Variants in IMMP2L observed in about 807,000 individuals in gnomAD.
IMMP2L encodes mitochondrial inner membrane protease subunit 2.
A neutral mutation model predicts 19.3 loss-of-function variants in IMMP2L; 18 were observed. The observed-to-expected ratio is 0.93, with a 90% CI of 0.64 to 1.38. The LOEUF (loss-of-function observed/expected upper bound fraction) is 1.38. IMMP2L is among the 40% of genes most tolerant of loss of function. The pLI is 0.00. For missense variants in IMMP2L, 233 were observed against 218.2 expected, an observed-to-expected ratio of 1.07 and a Z score of -0.43; for synonymous variants, 76 against 73.0, an observed-to-expected ratio of 1.04 and a Z score of -0.21.
At chr7:111,262,390 G>C (rs1220282627) in intron 3 of IMMP2L, among the ~76,000 whole-genome samples, 2 of 152,012 alleles carry the variant, frequency 1.3e-5, no homozygotes, top group Admixed American at 1.3e-4. Context: ...GCTATGAGAA[G>C]ATCTAAGTCC....
intron 3 of IMMP2L, among the ~76,000 whole-genome samples, chr7:111,300,606 C>G (rs1469137838): frequency 6.6e-6 from 1 of 152,056 alleles, no homozygotes; most frequent in East Asian, 1.9e-4. Flanking sequence ...TAGACACAAC[C>G]AAACTCCTTC....
intron 4 of IMMP2L, among the ~76,000 whole-genome samples, chr7:110,888,860 T>C (rs2129545783): frequency 6.6e-6 from 1 of 152,270 alleles, no homozygotes; most frequent in African/African-American, 2.4e-5. Flanking sequence ...CCTTATTTGT[T>C]CATAAGAGTA....
chr7:111,038,316 G>A (rs1357743716), intron 3 of IMMP2L, among the ~76,000 whole-genome samples: 1 of 152,096 alleles, frequency 6.6e-6, no homozygotes, highest in Non-Finnish European at 1.5e-5. Context: ...CTAGTTAATT[G>A]GAAGCACAGT....
At chr7:111,117,752 A>C (rs1800062355) in intron 3 of IMMP2L, among the ~76,000 whole-genome samples, 1 of 152,236 alleles carries the variant, frequency 6.6e-6, no homozygotes, top group African/African-American at 2.4e-5. Context: ...CTTTATACAA[A>C]TGAACTTAGC....
chr7:110,910,733 G>A (rs913264521), intron 4 of IMMP2L, among the ~76,000 whole-genome samples: 6 of 152,118 alleles, frequency 3.9e-5, no homozygotes, highest in South Asian at 2.1e-4. Context: ...AAGTGATTTC[G>A]TCAAGTGGAA....
intron 3 of IMMP2L, among the ~76,000 whole-genome samples, chr7:111,447,692 A>G (rs897735157): frequency 4.6e-5 from 7 of 151,924 alleles, no homozygotes; most frequent in African/African-American, 1.7e-4. Flanking sequence ...GACAGGATCA[A>G]ATTCACACAT....
chr7:110,849,096 G>A (rs1337276357), intron 5 of IMMP2L, among the ~76,000 whole-genome samples: 1 of 152,074 alleles, frequency 6.6e-6, no homozygotes, highest in East Asian at 1.9e-4. Context: ...GTCAATGTAT[G>A]CTCATCATTG....
chr7:110,903,516 G>A lies in IMMP2L; in HGVS notation c.306-16821C>T, dbSNP rs566819362. On this transcript the variant is annotated intron_variant, in intron 4 of 5. Coordinates refer to ENST00000405709, the MANE Select transcript of IMMP2L (RefSeq NM_032549.4). ...AAGTGAAATCATGTAATATTGGTTC[G>A]TCTTTGTGTGACTAGCTTATTTCAC... Among the ~76,000 whole-genome samples the A allele has an allele frequency of 7.2e-5, 11 of 152,138 alleles. No individual in the cohort carries two copies. The South Asian group carries it at 1.2e-3, about 17-fold the overall frequency.
intron 5 of IMMP2L, among the ~76,000 whole-genome samples, chr7:110,673,373 G>A (rs1052882743): frequency 4.1e-4 from 62 of 152,218 alleles, no homozygotes; most frequent in Non-Finnish European, 6.9e-4. Flanking sequence ...AGGCCTCCAG[G>A]CCTGTGATGG....
chr7:110,963,458 G>T, intron 4 of IMMP2L, 42 bp downstream of exon 4: 1 of 1,364,810 alleles, frequency 7.3e-7, no homozygotes, highest in Non-Finnish European at 1.0e-6. Context: ...CAGAACTCTA[G>T]ATATTTAAAA....
intron 3 of IMMP2L, among the ~76,000 whole-genome samples, chr7:111,376,708 T>C (rs1830706752): frequency 6.6e-6 from 1 of 152,100 alleles, no homozygotes; most frequent in African/African-American, 2.4e-5. Flanking sequence ...GTGAATATTA[T>C]TAAGACATAA....
intron 3 of IMMP2L, among the ~76,000 whole-genome samples, chr7:111,302,443 G>C (rs1384666033): frequency 6.6e-6 from 1 of 152,066 alleles, no homozygotes; most frequent in African/African-American, 2.4e-5. Flanking sequence ...ATAATAATAA[G>C]TACAGCAATA....
At chr7:111,220,586 A>G (rs1812406106) in intron 3 of IMMP2L, among the ~76,000 whole-genome samples, 1 of 151,200 alleles carries the variant, frequency 6.6e-6, no homozygotes, top group African/African-American at 2.4e-5. Flanking sequence ...TGATGGATGG[A>G]TGGATGGATG....
At chr7:111,539,300 C>A (rs1848314111) in intron 1 of IMMP2L, among the ~76,000 whole-genome samples, 1 of 151,828 alleles carries the variant, frequency 6.6e-6, no homozygotes, top group African/African-American at 2.4e-5. Flanking sequence ...ACATATATAT[C>A]TGTATATTGA....
intron 4 of IMMP2L, among the ~76,000 whole-genome samples, chr7:110,932,545 G>A (rs1042092878): frequency 1.3e-5 from 2 of 151,868 alleles, no homozygotes; most frequent in Non-Finnish European, 2.9e-5. Flanking sequence ...AAGTAGAGAC[G>A]GGGTTTCACC....
chr7:111,278,058 A>G (rs775963309), intron 3 of IMMP2L, among the ~76,000 whole-genome samples: 7 of 152,112 alleles, frequency 4.6e-5, no homozygotes, highest in Admixed American at 2.0e-4. Flanking sequence ...AGTAAAAGAC[A>G]CTGAAGACTA....
intron 3 of IMMP2L, among the ~76,000 whole-genome samples, chr7:111,283,618 C>T (rs6946399): frequency 0.056 from 8,472 of 152,112 alleles, 322 homozygotes; most frequent in Middle Eastern, 0.099. Flanking sequence ...TAAACAAGAA[C>T]ACTACTCCAA....
intron 3 of IMMP2L, among the ~76,000 whole-genome samples, chr7:111,013,315 G>A (rs1226677756): frequency 6.6e-6 from 1 of 152,122 alleles, no homozygotes; most frequent in Non-Finnish European, 1.5e-5. Flanking sequence ...TCTGACTGAA[G>A]GAGGCAAGTC....
chr7:111,182,296 T>C (rs532440213), intron 3 of IMMP2L, among the ~76,000 whole-genome samples: 8 of 152,138 alleles, frequency 5.3e-5, no homozygotes, highest in African/African-American at 1.4e-4. Context: ...CATAGCTTGT[T>C]TTCTAGTTTC....
Sources: gnomAD v4.1 joint callset for allele counts (sites outside exome capture counted in the v4.1 genomes callset) on GRCh38, gnomAD v4.1.1 for gene constraint, MANE v1.5 for transcripts, NCBI Gene and HGNC (gene_info 2026-07-23, HGNC 2026-07-21) for gene names.